The following VIT variants were observed in gnomAD, a reference collection of about 807,000 sequenced individuals.
The protein encoded by VIT is vitrin.
In VIT, 99 loss-of-function variants were observed where a neutral mutation model predicts 78.0. The observed-to-expected ratio is 1.27, with a 90% CI of 1.08 to 1.50. The LOEUF is 1.50. Ranked by LOEUF, VIT falls within the 40% of genes most tolerant of loss-of-function variation. VIT has a pLI of 0.00. For missense variants in VIT, 1,126 were observed against 875.3 expected, an observed-to-expected ratio of 1.29 and a Z score of -3.61; for synonymous variants, 374 against 334.3, an observed-to-expected ratio of 1.12 and a Z score of -1.29.
chr2:36,780,159 A>T (rs768752640), intron 9 of VIT, among the ~76,000 whole-genome samples: 7 of 152,218 alleles, frequency 4.6e-5, no homozygotes, highest in Non-Finnish European at 8.8e-5. Context: ...TTTGGTTCAA[A>T]CTTGTCCCAA....
intron 3 of VIT, among the ~76,000 whole-genome samples, chr2:36,731,183 T>A (rs1465181186): frequency 1.3e-5 from 2 of 152,114 alleles, no homozygotes; most frequent in South Asian, 4.1e-4. Context: ...TAGCTCCCTT[T>A]AAAGCTACAT....
At chr2:36,801,254 G>A (rs1666301154) in intron 12 of VIT, 47 bp from the exon 13 acceptor site, 1 of 1,494,818 alleles carries the variant, frequency 6.7e-7, no homozygotes, top group Non-Finnish European at 9.3e-7. Context: ...TTCCTCCAAA[G>A]GTATTAACTT....
chr2:36,814,104 C>T (rs1667388071), intron 15 of VIT, 79 bp from the exon 16 acceptor site: 3 of 1,535,674 alleles, frequency 2.0e-6, no homozygotes, highest in South Asian at 2.5e-5. Context: ...GCTGTGCCAA[C>T]AGGGCCACAA....
Position 36,723,755 on chromosome 2 carries a change from C to T in VIT, c.53-5671C>T, listed in dbSNP as rs150601211. Among the ~76,000 whole-genome samples the T allele has an allele frequency of 8.4e-3, 1,271 of 152,088 alleles. 23 individuals are homozygous for T. Among genetic ancestry groups the T allele is most frequent in the African/African-American group, 0.029 (1,201 of 41,482 alleles). On this transcript the variant is annotated intron_variant, in intron 2 of 15. Transcript: ENST00000379242. ...CAGGCACTACTAAAGAAAGAAAAGA[C>T]AGCCTGGGTAACATAGTGAGGCTCT...
intron 3 of VIT, among the ~76,000 whole-genome samples, chr2:36,733,860 C>T (rs1225483200): frequency 6.6e-6 from 1 of 152,100 alleles, no homozygotes; most frequent in Non-Finnish European, 1.5e-5. Flanking sequence ...CTCTCCTCTT[C>T]ACTAAATAAA....
At chr2:36,780,336 G>A (rs1246568506) in intron 9 of VIT, among the ~76,000 whole-genome samples, 3 of 152,192 alleles carry the variant, frequency 2.0e-5, no homozygotes, top group African/African-American at 7.2e-5. Context: ...GAAAAAGAAA[G>A]CAAGCAAGCC....
Position 36,801,407 on chromosome 2 carries a change from A to C in VIT, c.1162+3A>C. ...GAGAGGAGGACTTTCTAATGTAGGT[A>C]TGTGATCCGGATTCAAATTATACTA... On this transcript the variant is annotated splice_donor_region_variant and intron_variant, in intron 13 of 15. Transcript: ENST00000379242. 1 of 1,602,432 alleles carries C rather than the reference A, an allele frequency of 6.2e-7. No individual in the cohort carries two copies. Among genetic ancestry groups the C allele is most frequent in the Non-Finnish European group, 8.5e-7 (1 of 1,169,816 alleles).
chr2:36,790,893 G>A (rs1002154618), intron 12 of VIT, among the ~76,000 whole-genome samples: 7 of 107,878 alleles, frequency 6.5e-5, no homozygotes, highest in East Asian at 2.7e-4. Flanking sequence ...ACAGGAACAC[G>A]GAAAGAGTCA....
chr2:36,778,867 C>T (rs932832142), intron 9 of VIT, among the ~76,000 whole-genome samples: 2 of 152,154 alleles, frequency 1.3e-5, no homozygotes, highest in Non-Finnish European at 2.9e-5. Context: ...CTTTCAGAGC[C>T]ACTTCCTCCT....
At chr2:36,699,134 T>G (rs1664860638) in intron 1 of VIT, among the ~76,000 whole-genome samples, 2 of 152,124 alleles carry the variant, frequency 1.3e-5, no homozygotes, top group Admixed American at 1.3e-4. Context: ...GAGCCAAGCA[T>G]CAGCAGCAGT....
intron 1 of VIT, among the ~76,000 whole-genome samples, chr2:36,706,663 G>A (rs1665445994): frequency 6.6e-6 from 1 of 152,248 alleles, no homozygotes; most frequent in East Asian, 1.9e-4. Flanking sequence ...ATTGGCTTCA[G>A]TTTCTTTTTT....
At chr2:36,747,837 T>TTA (rs1405202638) in intron 4 of VIT, among the ~76,000 whole-genome samples, 13 of 152,216 alleles carry the variant, frequency 8.5e-5, no homozygotes, top group Non-Finnish European at 1.5e-4. Flanking sequence ...TGTAGTTGCT[T>TTA]TATAGGGTCT....
intron 4 of VIT, among the ~76,000 whole-genome samples, chr2:36,754,468 T>C (rs1180247817): frequency 1.3e-5 from 2 of 152,178 alleles, no homozygotes; most frequent in Non-Finnish European, 2.9e-5. Flanking sequence ...TTAATGAGTT[T>C]AACTTAGCTG....
At chr2:36,725,042 T>G (rs1294422627) in intron 2 of VIT, among the ~76,000 whole-genome samples, 1 of 152,176 alleles carries the variant, frequency 6.6e-6, no homozygotes, top group African/African-American at 2.4e-5. Context: ...AAATTAGACC[T>G]CCGGGACACT....
At chr2:36,727,994 T>A (rs897485497) in intron 2 of VIT, among the ~76,000 whole-genome samples, 2 of 152,078 alleles carry the variant, frequency 1.3e-5, no homozygotes, top group African/African-American at 2.4e-5. Flanking sequence ...AGTGGTGTGA[T>A]CTCGGCTCAC....
At chr2:36,803,951 T>C (rs1301619510) in intron 13 of VIT, among the ~76,000 whole-genome samples, 1 of 152,182 alleles carries the variant, frequency 6.6e-6, no homozygotes, top group African/African-American at 2.4e-5. Context: ...CTCTGCCTAC[T>C]CTATACAGCC....
chr2:36,791,448 A>C (rs1374316783), intron 12 of VIT, among the ~76,000 whole-genome samples: 1 of 152,216 alleles, frequency 6.6e-6, no homozygotes, highest in African/African-American at 2.4e-5. Context: ...GGAAACCGTG[A>C]ATGTTTTACC....
intron 1 of VIT, among the ~76,000 whole-genome samples, chr2:36,708,115 C>G (rs969943969): frequency 3.3e-5 from 5 of 149,510 alleles, no homozygotes; most frequent in African/African-American, 7.4e-5. Context: ...GGACCTCCCC[C>G]CCCCGCCCAC....
At chr2:36,805,134 C>G (rs1666612415) in intron 13 of VIT, among the ~76,000 whole-genome samples, 1 of 151,776 alleles carries the variant, frequency 6.6e-6, no homozygotes, top group African/African-American at 2.4e-5. Flanking sequence ...AAAACCTCGT[C>G]TCTACAAAAA....
Sources: allele counts gnomAD v4.1 joint callset (sites outside exome capture counted in the v4.1 genomes callset), GRCh38; gene constraint gnomAD v4.1.1; transcripts MANE v1.5; gene names NCBI Gene and HGNC (gene_info 2026-07-23, HGNC 2026-07-21).